EXOSC8: variants seen among roughly 807,000 people sequenced by gnomAD.
EXOSC8 encodes exosome complex component RRP43.
In EXOSC8, 37 loss-of-function variants were observed where a neutral mutation model predicts 39.9. The observed-to-expected ratio is 0.93, with a 90% confidence interval of 0.71 to 1.22. The LOEUF (loss-of-function observed/expected upper bound fraction) is 1.22. EXOSC8 is among the 50% of genes most tolerant of loss of function. The pLI, the probability that EXOSC8 is intolerant of heterozygous loss-of-function variation, is 0.00. For missense variants in EXOSC8, 313 were observed against 326.6 expected, an observed-to-expected ratio of 0.96 and a Z score of 0.32; for synonymous variants, 93 against 109.5, an observed-to-expected ratio of 0.85 and a Z score of 0.94.
chr13:37,001,485 G>T (rs2059104594), intron 1 of EXOSC8: 1 of 152,176 alleles, frequency 6.6e-6, no homozygotes, highest in African/African-American at 2.4e-5. Flanking sequence ...TTTCTAAAAG[G>T]ATCATGCCTC....
intron 5 of EXOSC8, among the ~76,000 whole-genome samples, chr13:37,005,476 T>C (rs1323628824): frequency 6.6e-6 from 1 of 152,072 alleles, no homozygotes; most frequent in East Asian, 1.9e-4. Flanking sequence ...AATATAACTA[T>C]AATGTTACAA....
chr13:37,008,801 T>C lies in EXOSC8; in HGVS notation c.681T>C (p.Asp227=). 1 of 1,612,896 alleles carries C rather than the reference T, an allele frequency of 6.2e-7. No individual in the cohort carries two copies. The highest frequency in any genetic ancestry group is 8.5e-7 in the Non-Finnish European group (1 of 1,178,998). ...LATGTLTIVM[D]EEGKLCCLHK... ...CAGGAACCTTAACAATAGTAATGGA[T>C]GAGGAAGGCAAACTCTGTTGTCTTC... is the stretch of plus-strand genomic sequence containing the variant. The change falls in exon 10 of 11, where the codon GAT becomes GAC. Residue 227 remains aspartate (D), a synonymous_variant. Transcript: ENST00000389704.
rs537545724 is a variant in EXOSC8 at position 37,002,430 on chromosome 13, T to C, written c.55-58T>C. 7 of 1,337,474 alleles carry C rather than the reference T, an allele frequency of 5.2e-6. No homozygotes were observed. The East Asian group carries it at 1.6e-4, about 31-fold the overall frequency. The allele number at this position is 1,337,474 out of a possible 1,614,324, so 82.9% of individuals were successfully genotyped here. On this transcript the variant is annotated intron_variant, in intron 2 of 10. Transcript: ENST00000389704. ...TTTAATGTGTGTGTAAAACTTGTGA[T>C]AGATGTGTAAAATATGTAATAGGTA...
chr13:37,002,476 A>G lies in EXOSC8; in HGVS notation c.55-12A>G. The stretch of plus-strand genomic sequence containing the variant: ...AGGTATAATCTATTTTTATATAAAC[A>G]TATTTATTTAGAAAGAGAACTGCCG... On this transcript the variant is annotated splice_polypyrimidine_tract_variant and intron_variant, in intron 2 of 10. Coordinates refer to ENST00000389704, the MANE Select transcript of EXOSC8 (RefSeq NM_181503.3). 1.3e-6 allele frequency: 2 copies of G among 1,519,870 alleles called. No homozygotes were observed. The highest frequency in any genetic ancestry group is 1.8e-6 in the Non-Finnish European group (2 of 1,121,924). 94.1% of individuals were successfully genotyped at this position (1,519,870 alleles called of 1,614,324 possible). A position where few individuals can be genotyped will look rare whatever the true frequency, so the allele number is the denominator to read the frequency against.
rs202095793 is a variant in EXOSC8, at chr13:37,000,844, G to A, written c.17+22G>A. The A allele has an allele frequency of 1.2e-4, 188 of 1,556,070 alleles. 1 individual carries two copies. The East Asian group carries it at 3.8e-3, about 31-fold the overall frequency. On this transcript the variant is annotated intron_variant, in intron 1 of 10. Transcript: ENST00000389704. ...TCAAGTGAGTGTTGGCGGGTGGCGG[G>A]TAGAGTTCTGTACCCTGGCGGACGG...
Position 37,004,558 on chromosome 13 carries a change from G to C in EXOSC8, c.235G>C (p.Val79Leu). The C allele has an allele frequency of 6.3e-7, 1 of 1,595,996 alleles. No homozygotes were observed. The highest frequency in any genetic ancestry group is 8.6e-7 in the Non-Finnish European group (1 of 1,165,056). ...AACAGATGCCCCTGATAAAGGATAC[G>C]TTGGTAAGTTAAATGGTTTTGTAAT... ...PSTDAPDKGY[V>L]VPNVDLPPLC... Residue 79 changes from valine to leucine, a missense_variant, in exon 5 of 11, where the codon GTT becomes CTT. Val to Leu is a conservative substitution (Grantham distance 32). Coordinates refer to ENST00000389704, the MANE Select transcript of EXOSC8 (RefSeq NM_181503.3).
At position 37,009,303 on chromosome 13, in the gene EXOSC8, GCCA is replaced by G. The variant is rs759591829; in HGVS notation, c.*9_*11del. ...TAAGAGTATGAAACCCAAATAAACA[GCCA>G]CCACATTTTCAAAACAGATTTGTAA... On this transcript the variant is annotated 3_prime_UTR_variant, in exon 11 of 11. Coordinates refer to ENST00000389704, the MANE Select transcript of EXOSC8 (RefSeq NM_181503.3). 1.1e-5 allele frequency: 17 copies of G among 1,484,452 alleles called. No individual in the cohort carries two copies. Among genetic ancestry groups the G allele is most frequent in the African/African-American group, 8.3e-5 (6 of 72,252 alleles). The allele number at this position is 1,484,452 out of a possible 1,614,324, so 92.0% of individuals were successfully genotyped here.
In EXOSC8 at chr13:37,009,595, A is replaced by C; in HGVS notation, c.*296A>C. On this transcript the variant is annotated 3_prime_UTR_variant, in exon 11 of 11. Coordinates refer to ENST00000389704, the MANE Select transcript of EXOSC8 (RefSeq NM_181503.3). ...TGTAAAATACTGACACATTAAAAAA[A>C]ACAAAAAGTAGAAACTCAATTCTTT... 1.3e-6 allele frequency: 2 copies of C among 1,573,730 alleles called. No homozygotes were observed. Among genetic ancestry groups the C allele is most frequent in the Non-Finnish European group, 1.7e-6 (2 of 1,144,778 alleles).
At chr13:37,002,748 T>C (rs1423097539) in intron 3 of EXOSC8, among the ~76,000 whole-genome samples, 186 bp from the exon 4 acceptor site, 4 of 152,230 alleles carry the variant, frequency 2.6e-5, no homozygotes, top group Non-Finnish European at 5.9e-5. Context: ...TGAATAATTA[T>C]TTAAACACTA....
chr13:37,007,154 T>C, intron 8 of EXOSC8, 83 bp downstream of exon 8: 6 of 839,610 alleles, frequency 7.1e-6, no homozygotes, highest in Non-Finnish European at 4.1e-6. Flanking sequence ...ACATTTGCTT[T>C]CGTATGCTTC....
At chr13:37,004,607 A>G in intron 5 of EXOSC8, 46 bp downstream of exon 5, 4 of 1,239,340 alleles carry the variant, frequency 3.2e-6, no homozygotes, top group Non-Finnish European at 4.6e-6. Flanking sequence ...CTTTTAACAC[A>G]TTTAATAATT....
chr13:37,006,094 G>A (rs2059137188), intron 6 of EXOSC8, 21 bp from the exon 7 acceptor site: 1 of 1,605,164 alleles, frequency 6.2e-7, no homozygotes, highest in African/African-American at 1.3e-5. Flanking sequence ...CATTTACTTT[G>A]CTCTTTGTCA....
chr13:37,002,189 C>G (rs919132434), intron 1 of EXOSC8, 84 bp from the exon 2 acceptor site: 26 of 1,015,144 alleles, frequency 2.6e-5, no homozygotes, highest in Non-Finnish European at 3.7e-5. Context: ...TGCTGCATCA[C>G]CACACTTAAG....
chr13:37,007,192 A>G, intron 8 of EXOSC8, 121 bp downstream of exon 8: 1 of 706,538 alleles, frequency 1.4e-6, no homozygotes, highest in South Asian at 1.6e-5. Flanking sequence ...TGCTGACATG[A>G]CTTTCCAAAT....
chr13:37,008,748 C>A lies in EXOSC8; in HGVS notation c.628C>A (p.Pro210Thr). The A allele has an allele frequency of 6.2e-7, 1 of 1,610,558 alleles. No individual in the cohort carries two copies. The highest frequency in any genetic ancestry group is 1.1e-5 in the South Asian group (1 of 90,872). Residue 210 changes from proline to threonine, a missense_variant, in exon 10 of 11, where the codon CCT (proline) becomes ACT (threonine). By Grantham distance (38) the Pro-to-Thr change is conservative (BLOSUM62 -1). Coordinates refer to ENST00000389704, the MANE Select transcript of EXOSC8 (RefSeq NM_181503.3). ...VFDDTLLIVD[P>T]TGEEEHLATG... ...TTATAGCACTTTGCTTATAGTTGAC[C>A]CTACTGGAGAGGAGGAACATCTGGC...
At chr13:37,000,885 C>T (rs919397206) in intron 1 of EXOSC8, 63 bp downstream of exon 1, 6 of 1,435,576 alleles carry the variant, frequency 4.2e-6, no homozygotes, top group Non-Finnish European at 5.5e-6. Context: ...TCCTTTAACT[C>T]TTAGCTGGGA....
chr13:37,007,532 T>C (rs1303395037), intron 8 of EXOSC8, among the ~76,000 whole-genome samples: 2 of 152,348 alleles, frequency 1.3e-5, no homozygotes, highest in South Asian at 2.1e-4. Flanking sequence ...CTATCATTGA[T>C]GAATGATGAA....
chr13:37,009,224 G>A lies in EXOSC8; in HGVS notation c.756G>A (p.Met252Ile). Residue 252 changes from methionine to isoleucine, a missense_variant, in exon 11 of 11, where the codon ATG becomes ATA. Physicochemically the swap from Met to Ile is conservative, Grantham distance 10 (BLOSUM62 1). Coordinates refer to ENST00000389704, the MANE Select transcript of EXOSC8 (RefSeq NM_181503.3). Reference sequence around the variant, plus strand: ...CTGGAGCTAAACTTCAGGACTGTATGAGCCGAGCAGTTACAAGACACAAAG... The same window carrying A: ...CTGGAGCTAAACTTCAGGACTGTATAAGCCGAGCAGTTACAAGACACAAAG... ...GLTGAKLQDC[M>I]SRAVTRHKEV... is the part of the protein sequence containing the mutation. The A allele has an allele frequency of 1.2e-6, 2 of 1,613,838 alleles. No individual in the cohort carries two copies. The highest frequency in any genetic ancestry group is 1.7e-6 in the Non-Finnish European group (2 of 1,179,834).
In EXOSC8 at chr13:37,009,361, C is replaced by T. The variant is rs377709055; in HGVS notation, c.*62C>T. The T allele has an allele frequency of 4.5e-5, 41 of 902,042 alleles. No homozygotes were observed. The highest frequency in any genetic ancestry group is 4.0e-4 in the South Asian group (27 of 67,364). 55.9% of individuals were successfully genotyped at this position (902,042 alleles called of 1,614,324 possible). A position where few individuals can be genotyped will look rare whatever the true frequency, so the allele number is the denominator to read the frequency against. On this transcript the variant is annotated 3_prime_UTR_variant, in exon 11 of 11. Transcript: ENST00000389704. ...TGTATTTGTTAACACTGTGCACAAACGTTTTATACTAAATAAATATCAAAC... is the reference window on the plus strand; with the variant it reads ...TGTATTTGTTAACACTGTGCACAAATGTTTTATACTAAATAAATATCAAAC...
Sources: gnomAD v4.1 joint callset for allele counts (sites outside exome capture counted in the v4.1 genomes callset) on GRCh38, gnomAD v4.1.1 for gene constraint, MANE v1.5 for transcripts, NCBI Gene and HGNC (gene_info 2026-07-23, HGNC 2026-07-21) for gene names.